HNF4A: variants seen among roughly 807,000 people sequenced by gnomAD.
HNF4A encodes hepatocyte nuclear factor 4-alpha.
Under a neutral mutation model 52.4 loss-of-function variants are expected in HNF4A, and 15 were observed. That is an observed-to-expected ratio of 0.29 (90% CI 0.19 to 0.44). The LOEUF is 0.44. Ranked by LOEUF, HNF4A falls within the 20% of genes least tolerant of loss-of-function variation. The pLI is 1.00. For missense variants in HNF4A, 479 were observed against 647.2 expected (o/e 0.74, Z 2.82); for synonymous variants, 280 against 264.4 (o/e 1.06, Z -0.57).
chr20:44,390,929 A>AG (rs965649515), intron 1 of HNF4A, among the ~76,000 whole-genome samples: 5 of 152,194 alleles, frequency 3.3e-5, no homozygotes, highest in Non-Finnish European at 7.3e-5. Flanking sequence ...CCTAAAGACC[A>AG]GATCTCTTAT....
chr20:44,425,557 T>C (rs1389755728), intron 8 of HNF4A, among the ~76,000 whole-genome samples: 2 of 151,972 alleles, frequency 1.3e-5, no homozygotes, highest in Non-Finnish European at 2.9e-5. Flanking sequence ...AGTAATTTAC[T>C]GAAATGAGGA....
intron 3 of HNF4A, among the ~76,000 whole-genome samples, chr20:44,412,732 G>A (rs184447095): frequency 1.4e-3 from 213 of 152,272 alleles, no homozygotes; most frequent in Admixed American, 2.9e-3. Context: ...CAGCAGGTCT[G>A]TTTGTCAGGA....
At chr20:44,413,630 C>A in intron 3 of HNF4A, 64 bp from the exon 4 acceptor site, 2 of 1,224,800 alleles carry the variant, frequency 1.6e-6, no homozygotes, top group Non-Finnish European at 2.4e-6. Context: ...TCATCAGTCA[C>A]AGACACCCCC....
chr20:44,424,233 T>C lies in HNF4A; in HGVS notation c.1108T>C (p.Leu370=). The C allele has an allele frequency of 6.2e-7, 1 of 1,614,074 alleles. No homozygotes were observed. The highest frequency in any genetic ancestry group is 8.5e-7 in the Non-Finnish European group (1 of 1,179,998). ...CGGCATGGCCAAGATTGACAACCTG[T>C]TGCAGGAGATGCTGCTGGGAGGTCC... Residue 370 remains leucine, a synonymous_variant, in exon 8 of 10, where the codon TTG becomes CTG. Coordinates refer to ENST00000316099, the MANE Select transcript of HNF4A (RefSeq NM_000457.6).
chr20:44,361,670 T>TA (rs961515852), intron 1 of HNF4A, among the ~76,000 whole-genome samples: 9 of 151,856 alleles, frequency 5.9e-5, no homozygotes, highest in African/African-American at 2.2e-4. Context: ...GGAGTCAGAC[T>TA]ATGTCTCAAA....
upstream of HNF4A, among the ~76,000 whole-genome samples, chr20:44,397,312 T>TAA (rs928666366): frequency 6.7e-6 from 1 of 149,854 alleles, no homozygotes; most frequent in Non-Finnish European, 1.5e-5. Context: ...TTCCACTAGT[T>TAA]AAAAAAAAAA....
At chr20:44,375,348 C>G (rs777145278) in intron 1 of HNF4A, among the ~76,000 whole-genome samples, 56 of 152,116 alleles carry the variant, frequency 3.7e-4, no homozygotes, top group Non-Finnish European at 2.9e-4. Context: ...TTCTCCCATT[C>G]TGTAGGTTGC....
At chr20:44,387,469 T>C (rs2063240114) in intron 1 of HNF4A, among the ~76,000 whole-genome samples, 1 of 151,130 alleles carries the variant, frequency 6.6e-6, no homozygotes, top group East Asian at 1.9e-4. Flanking sequence ...AGGGCGTGCA[T>C]GGCCTCACAG....
At chr20:44,419,986 G>A (rs547464701) in intron 7 of HNF4A, 110 bp downstream of exon 7, 30 of 1,164,078 alleles carry the variant, frequency 2.6e-5, no homozygotes, top group Non-Finnish European at 3.6e-5. Flanking sequence ...TCATGTTAAC[G>A]ACAGCCAGGA....
Position 44,432,425 on chromosome 20 carries a change from T to TG in HNF4A, c.*2766dup, listed in dbSNP as rs896545675. On this transcript the variant is annotated 3_prime_UTR_variant, in exon 10 of 10. Coordinates refer to ENST00000316099, the MANE Select transcript of HNF4A (RefSeq NM_000457.6). ...ATCTGATGGACAAACAGAGGGTTGCTGGGGGGACAAGCGTGGGCACAATTT... is the reference window on the plus strand; with the variant it reads ...ATCTGATGGACAAACAGAGGGTTGCTGGGGGGGACAAGCGTGGGCACAATTT... 3 of 140,328 alleles carry TG rather than the reference T, an allele frequency of 2.1e-5. No individual in the cohort carries two copies. Among genetic ancestry groups the TG allele is most frequent in the African/African-American group, 7.9e-5 (3 of 38,010 alleles). 8.7% of individuals were successfully genotyped at this position (140,328 alleles called of 1,614,324 possible).
At chr20:44,365,383 A>G (rs1453610835) in intron 1 of HNF4A, among the ~76,000 whole-genome samples, 2 of 152,080 alleles carry the variant, frequency 1.3e-5, no homozygotes, top group African/African-American at 4.8e-5. Flanking sequence ...TGTGTTGCAC[A>G]GGCTGGTTTC....
At position 44,371,116 on chromosome 20, in the gene HNF4A, C is replaced by T. The variant is rs563011355; in HGVS notation, c.49+15263C>T. On this transcript the variant is annotated intron_variant, in intron 1 of 9. Transcript: ENST00000316673. ...TCCCCTGGGCAGCTTCCCAGGCAAA[C>T]CCAGCTGCCTGCAGGGCTCAGCGCT... Among the ~76,000 whole-genome samples, 25 of 152,316 alleles carry T rather than the reference C, an allele frequency of 1.6e-4. No individual in the cohort carries two copies. In the South Asian group the frequency reaches 3.9e-3, roughly 24 times the overall value.
At chr20:44,427,922 T>C (rs3212208) in intron 8 of HNF4A, among the ~76,000 whole-genome samples, 21,786 of 152,140 alleles carry the variant, frequency 0.14, 2,107 homozygotes, top group African/African-American at 0.27. Flanking sequence ...AGTAGGTCAG[T>C]TGGCTGCAGC....
chr20:44,406,441 G>A (rs747631090), intron 2 of HNF4A, among the ~76,000 whole-genome samples: 16 of 152,322 alleles, frequency 1.1e-4, no homozygotes, highest in Middle Eastern at 3.4e-3. Flanking sequence ...ACTGGCTGCC[G>A]TTTATTGAGC....
intron 1 of HNF4A, among the ~76,000 whole-genome samples, chr20:44,389,073 C>A (rs1189509443): frequency 6.6e-6 from 1 of 152,302 alleles, no homozygotes. Flanking sequence ...GTCCTTCTCT[C>A]AAGTTTAGCA....
intron 1 of HNF4A, among the ~76,000 whole-genome samples, chr20:44,384,214 GA>G (rs913563114): frequency 2.2e-5 from 3 of 139,054 alleles, no homozygotes; most frequent in African/African-American, 8.0e-5. Flanking sequence ...CAGAGGCTTT[GA>G]AAGGCAAATA....
Position 44,424,134 on chromosome 20 carries a change from C to T in HNF4A, c.1009C>T (p.Leu337=). The T allele has an allele frequency of 1.9e-6, 3 of 1,607,092 alleles. No homozygotes were observed. Among genetic ancestry groups the T allele is most frequent in the Non-Finnish European group, 2.6e-6 (3 of 1,176,050 alleles). The stretch of plus-strand genomic sequence containing the variant: ...TGACTCGCGTGGCCGCTTTGGAGAG[C>T]TGCTGCTGCTGCTGCCCACCTTGCA... The change falls in exon 8 of 10, where the codon CTG becomes TTG. Residue 337 remains leucine (L), a synonymous_variant. Coordinates refer to ENST00000316099, the MANE Select transcript of HNF4A (RefSeq NM_000457.6).
At chr20:44,360,578 T>A (rs80276513) in intron 1 of HNF4A, among the ~76,000 whole-genome samples, 2,248 of 151,990 alleles carry the variant, frequency 0.015, 63 homozygotes, top group African/African-American at 0.052. Flanking sequence ...GATGAATGGA[T>A]GGATAAGAAG....
rs751510775 is a variant in HNF4A at position 44,355,858 on chromosome 20, G to A, written c.49+5G>A. On this transcript the variant is annotated splice_donor_5th_base_variant and intron_variant, in intron 1 of 9. Coordinates refer to the HNF4A transcript ENST00000316673. ...CTCCAGTGGAGAGTTCTTACGGTAA[G>A]TGGGGCTGGGGGAAGACTGGACAGG... The A allele has an allele frequency of 6.2e-7, 1 of 1,610,610 alleles. No homozygotes were observed. Among genetic ancestry groups the A allele is most frequent in the Non-Finnish European group, 8.5e-7 (1 of 1,177,408 alleles).
Sources: allele counts gnomAD v4.1 joint callset (sites outside exome capture counted in the v4.1 genomes callset), GRCh38; gene constraint gnomAD v4.1.1; transcripts MANE v1.5; gene names NCBI Gene and HGNC (gene_info 2026-07-23, HGNC 2026-07-21).